The following EXOC5 variants were observed in gnomAD, a reference collection of about 807,000 sequenced individuals.
EXOC5 encodes the protein exocyst complex component 5.
In EXOC5, 17 loss-of-function variants were observed where a neutral mutation model predicts 90.8. The observed-to-expected ratio is 0.19, with a 90% CI of 0.13 to 0.28. EXOC5 has a LOEUF of 0.28. Ranked by LOEUF, EXOC5 falls within the 10% of genes least tolerant of loss-of-function variation. EXOC5 has a pLI of 1.00. For missense variants in EXOC5, 569 were observed against 830.6 expected, an observed-to-expected ratio of 0.69 and a Z score of 3.87; for synonymous variants, 260 against 270.0, an observed-to-expected ratio of 0.96 and a Z score of 0.36.
At chr14:57,228,500 T>C (rs910997306) in intron 12 of EXOC5, among the ~76,000 whole-genome samples, 9 of 152,100 alleles carry the variant, frequency 5.9e-5, no homozygotes, top group Admixed American at 2.6e-4. Flanking sequence ...GTGGCACATA[T>C]ATGCCATGGA....
At chr14:57,210,133 T>A in intron 15 of EXOC5, 72 bp from the exon 16 acceptor site, 1 of 665,156 alleles carries the variant, frequency 1.5e-6, no homozygotes, top group Non-Finnish European at 2.6e-6. Context: ...TTATATTATT[T>A]ATGCTAAATT....
intron 5 of EXOC5, among the ~76,000 whole-genome samples, chr14:57,238,833 CATATT>C (rs1305760690): frequency 1.3e-5 from 2 of 151,922 alleles, no homozygotes; most frequent in Admixed American, 6.6e-5. Flanking sequence ...ACAAAAATAA[CATATT>C]ATATGTCTAT....
At chr14:57,239,255 C>G (rs956730010) in intron 5 of EXOC5, among the ~76,000 whole-genome samples, 32 of 152,184 alleles carry the variant, frequency 2.1e-4, no homozygotes, top group Non-Finnish European at 3.7e-4. Context: ...TTCTCTCTAT[C>G]CCCTACCTGG....
At chr14:57,254,940 T>C (rs1475627195) in intron 1 of EXOC5, among the ~76,000 whole-genome samples, 1 of 152,196 alleles carries the variant, frequency 6.6e-6, no homozygotes, top group Non-Finnish European at 1.5e-5. Flanking sequence ...ATCCAGTCTA[T>C]GGAATTTTGT....
At position 57,220,159 on chromosome 14, in the gene EXOC5, A is replaced by AT. The variant is rs538156127; in HGVS notation, c.1406-718dup. Among the ~76,000 whole-genome samples, 138 of 150,314 alleles carry AT rather than the reference A, an allele frequency of 9.2e-4. 1 individual carries two copies. Among genetic ancestry groups the AT allele is most frequent in the Middle Eastern group, 3.5e-3 (1 of 288 alleles). On this transcript the variant is annotated intron_variant, in intron 13 of 17. Coordinates refer to ENST00000621441, the MANE Select transcript of EXOC5 (RefSeq NM_006544.4). ...ACATAGAGTTCTTTTTAGAACAATG[A>AT]TTTTTTTTTTCTCTTAATAATGGAA...
chr14:57,253,003 G>A (rs549630942), intron 1 of EXOC5, among the ~76,000 whole-genome samples: 72 of 152,192 alleles, frequency 4.7e-4, no homozygotes, highest in African/African-American at 1.7e-3. Context: ...TGAACCAGGA[G>A]AACATTATAT....
intron 15 of EXOC5, among the ~76,000 whole-genome samples, chr14:57,213,979 A>G (rs2139611380): frequency 6.6e-6 from 1 of 152,250 alleles, no homozygotes; most frequent in Middle Eastern, 3.4e-3. Flanking sequence ...AAAAACAAAA[A>G]CAAACAAAAA....
rs1331940715 is a variant in EXOC5 at position 57,247,530 on chromosome 14, T to G, written c.122+88A>C. 4 of 537,226 alleles carry G rather than the reference T, an allele frequency of 7.4e-6. No individual in the cohort carries two copies. In the Admixed American group the frequency reaches 1.1e-4, roughly 15 times the overall value. 33.3% of individuals were successfully genotyped at this position (537,226 alleles called of 1,614,324 possible). ...GTTAACTAAAATCCTTGTAGAGGAATGCTGAAAGCAATCTCAACAGTCATC... is the reference window on the plus strand; with the variant it reads ...GTTAACTAAAATCCTTGTAGAGGAAGGCTGAAAGCAATCTCAACAGTCATC... On this transcript the variant is annotated intron_variant, in intron 2 of 17. Coordinates refer to ENST00000621441, the MANE Select transcript of EXOC5 (RefSeq NM_006544.4).
chr14:57,247,212 C>A (rs1368491049), intron 2 of EXOC5, among the ~76,000 whole-genome samples: 1 of 151,954 alleles, frequency 6.6e-6, no homozygotes, highest in African/African-American at 2.4e-5. Context: ...CACTTTATAG[C>A]CTACTTAAAA....
chr14:57,215,187 G>A (rs1276720409), intron 15 of EXOC5, among the ~76,000 whole-genome samples: 1 of 151,446 alleles, frequency 6.6e-6, no homozygotes, highest in Non-Finnish European at 1.5e-5. Context: ...AGCCAAGATC[G>A]TGCCACTGGA....
At position 57,260,402 on chromosome 14, in the gene EXOC5, A is replaced by G. The variant is rs184806778; in HGVS notation, c.27+8220T>C. ...TAATTTTACTTTTTAAAATTAGTCA[A>G]TGTTAACATTCAATCTTGAAGCCCT... On this transcript the variant is annotated intron_variant, in intron 1 of 17. Transcript: ENST00000621441. Among the ~76,000 whole-genome samples, 442 of 152,298 alleles carry G rather than the reference A, an allele frequency of 2.9e-3. 5 individuals are homozygous for G. Among genetic ancestry groups the G allele is most frequent in the African/African-American group, 9.9e-3 (410 of 41,572 alleles).
At chr14:57,228,464 T>C (rs7144468) in intron 12 of EXOC5, among the ~76,000 whole-genome samples, 21 of 152,174 alleles carry the variant, frequency 1.4e-4, no homozygotes, top group African/African-American at 3.9e-4. Context: ...CAAATGCCCA[T>C]CAATGATAGA....
chr14:57,268,731 T>C lies in EXOC5; in HGVS notation c.-83A>G. 6.6e-7 allele frequency: 1 copy of C among 1,505,004 alleles called. No homozygotes were observed. The allele number at this position is 1,505,004 out of a possible 1,614,324, so 93.2% of individuals were successfully genotyped here. ...GCCTCAGAGGCGCGGCGCACAGGTC[T>C]CCGCTCGGCTCGCCAGCTCCGGCTC... is the stretch of plus-strand genomic sequence containing the variant. On this transcript the variant is annotated 5_prime_UTR_variant, in exon 1 of 18. Transcript: ENST00000621441.
chr14:57,231,069 C>T (rs1415335244), intron 11 of EXOC5, among the ~76,000 whole-genome samples: 2 of 148,610 alleles, frequency 1.3e-5, no homozygotes, highest in African/African-American at 2.5e-5. Flanking sequence ...AGTGCAGTGG[C>T]GTAATCTTGG....
rs559959695 is a variant in EXOC5 at position 57,236,890 on chromosome 14, T to A, written c.559+448A>T. On this transcript the variant is annotated intron_variant, in intron 6 of 17. Coordinates refer to ENST00000621441, the MANE Select transcript of EXOC5 (RefSeq NM_006544.4). Reference sequence around the variant, plus strand: ...ATCATGTAAGGAGTTAAATAGATACTGAAATGCTTATATAATCTTAAAAAA... The same window carrying A: ...ATCATGTAAGGAGTTAAATAGATACAGAAATGCTTATATAATCTTAAAAAA... 6.7e-5 allele frequency among the ~76,000 whole-genome samples: 10 copies of A among 149,720 alleles called. No individual in the cohort carries two copies. In the South Asian group the frequency reaches 2.1e-3, roughly 31 times the overall value.
chr14:57,205,795 A>G lies in EXOC5; in HGVS notation c.*2814T>C. 2.3e-6 allele frequency: 1 copy of G among 429,210 alleles called. No individual in the cohort carries two copies. Among genetic ancestry groups the G allele is most frequent in the Non-Finnish European group, 4.5e-6 (1 of 220,524 alleles). The allele number at this position is 429,210 out of a possible 1,614,324, so 26.6% of individuals were successfully genotyped here. ...TGTAATATAAATTAACCTAATTTAA[A>G]TTAGATTTTAATTTAACCTACTTTG... On this transcript the variant is annotated 3_prime_UTR_variant, in exon 18 of 18. Coordinates refer to ENST00000621441, the MANE Select transcript of EXOC5 (RefSeq NM_006544.4).
At chr14:57,212,264 T>C (rs1882851610) in intron 15 of EXOC5, among the ~76,000 whole-genome samples, 1 of 152,312 alleles carries the variant, frequency 6.6e-6, no homozygotes, top group African/African-American at 2.4e-5. Context: ...CGAACAGTTG[T>C]CAAGGAATAA....
chr14:57,235,502 T>C (rs1443796044), intron 7 of EXOC5, among the ~76,000 whole-genome samples: 1 of 145,928 alleles, frequency 6.9e-6, no homozygotes, highest in Non-Finnish European at 1.5e-5. Context: ...AATTCAATAT[T>C]AATATTATTG....
At chr14:57,232,629 A>C in intron 10 of EXOC5, 38 bp downstream of exon 10, 2 of 893,922 alleles carry the variant, frequency 2.2e-6, no homozygotes, top group East Asian at 2.7e-5. Context: ...AATTTAAAAA[A>C]TCTGTTATCT....
Sources: allele counts gnomAD v4.1 joint callset (sites outside exome capture counted in the v4.1 genomes callset), GRCh38; gene constraint gnomAD v4.1.1; transcripts MANE v1.5; gene names NCBI Gene and HGNC (gene_info 2026-07-23, HGNC 2026-07-21).